SEMA3A: variants seen among roughly 807,000 people sequenced by gnomAD.
SEMA3A encodes semaphorin 3A, also known as semaphorin-3A.
A neutral mutation model predicts 97.9 loss-of-function variants in SEMA3A; 29 were observed. That is an observed-to-expected ratio of 0.30 (90% confidence interval 0.22 to 0.40). The LOEUF is 0.40. Among genes scored for constraint, SEMA3A ranks in the 10% least tolerant of loss-of-function variants. The pLI is 1.00. For missense variants in SEMA3A, 763 were observed against 951.3 expected, an observed-to-expected ratio of 0.80 and a Z score of 2.60; for synonymous variants, 321 against 323.7, an observed-to-expected ratio of 0.99 and a Z score of 0.09.
intron 1 of SEMA3A, among the ~76,000 whole-genome samples, chr7:84,151,955 T>A (rs1438151989): frequency 6.6e-6 from 1 of 151,874 alleles, no homozygotes; most frequent in African/African-American, 2.4e-5. Context: ...TCACCATCAC[T>A]GGCCATCAGA....
chr7:84,450,256 C>G, intron 1 of SEMA3A, among the ~76,000 whole-genome samples: 1 of 152,110 alleles, frequency 6.6e-6, no homozygotes, highest in East Asian at 1.9e-4. Context: ...CTCTCTCTCT[C>G]TTTTGATAAC....
At position 83,956,989 on chromosome 7, in the gene SEMA3A, C is replaced by A. The variant is rs1788299074; in HGVS notation, c.*4382G>T. 1.3e-5 allele frequency: 2 copies of A among 151,650 alleles called. No homozygotes were observed. The highest frequency in any genetic ancestry group is 6.6e-5 in the Admixed American group (1 of 15,188). 9.4% of individuals were successfully genotyped at this position (151,650 alleles called of 1,614,324 possible). ...GCAATTGTCATATCGTAACTTGGTTCTTTTCAACAGTGATTTATTGGGCTC... is the reference window on the plus strand; with the variant it reads ...GCAATTGTCATATCGTAACTTGGTTATTTTCAACAGTGATTTATTGGGCTC... On this transcript the variant is annotated 3_prime_UTR_variant, in exon 17 of 17. Transcript: ENST00000265362.
At chr7:84,171,799 T>G (rs1797391071) in intron 1 of SEMA3A, among the ~76,000 whole-genome samples, 1 of 151,980 alleles carries the variant, frequency 6.6e-6, no homozygotes, top group Non-Finnish European at 1.5e-5. Flanking sequence ...TGCTAAATAT[T>G]TTAAACTTTT....
At chr7:84,289,796 A>T (rs1278149546) in intron 3 of SEMA3A, among the ~76,000 whole-genome samples, 2 of 152,276 alleles carry the variant, frequency 1.3e-5, no homozygotes, top group East Asian at 3.9e-4. Flanking sequence ...AAATGAAAAC[A>T]TGCCCATGTA....
chr7:84,054,988 TG>T (rs1176994853), intron 5 of SEMA3A, among the ~76,000 whole-genome samples: 2 of 152,156 alleles, frequency 1.3e-5, no homozygotes, highest in Admixed American at 1.3e-4. Flanking sequence ...CTGCCCCTGC[TG>T]TGGGGTGCCT....
At chr7:84,038,537 A>C (rs954714687) in intron 6 of SEMA3A, among the ~76,000 whole-genome samples, 1 of 151,054 alleles carries the variant, frequency 6.6e-6, no homozygotes, top group Non-Finnish European at 1.5e-5. Context: ...GAAATTGATC[A>C]CAGAGAGCTT....
chr7:84,392,600 G>A (rs1044728209), intron 1 of SEMA3A, among the ~76,000 whole-genome samples: 4 of 152,052 alleles, frequency 2.6e-5, no homozygotes, highest in African/African-American at 4.8e-5. Context: ...TGGCATTGCC[G>A]GTAATTGAAT....
intron 1 of SEMA3A, among the ~76,000 whole-genome samples, chr7:84,483,966 C>T (rs969023480): frequency 1.3e-5 from 2 of 151,866 alleles, no homozygotes; most frequent in East Asian, 3.9e-4. Flanking sequence ...ACCACTTAAA[C>T]CCAGGAGGCG....
chr7:84,377,912 G>A (rs1327061929), intron 1 of SEMA3A, among the ~76,000 whole-genome samples: 2 of 152,034 alleles, frequency 1.3e-5, no homozygotes, highest in Admixed American at 6.6e-5. Context: ...TTCAGTTACT[G>A]CTGATCAAAA....
In SEMA3A at chr7:83,959,975, C is replaced by A. The variant is rs1417019921; in HGVS notation, c.*1396G>T. The A allele has an allele frequency of 6.6e-6, 1 of 151,962 alleles. No individual in the cohort carries two copies. Among genetic ancestry groups the A allele is most frequent in the Non-Finnish European group, 1.5e-5 (1 of 67,932 alleles). The allele number at this position is 151,962 out of a possible 1,614,324, so 9.4% of individuals were successfully genotyped here. A position where few individuals can be genotyped will look rare whatever the true frequency, so the allele number is the denominator to read the frequency against. ...TACATTGTTTAAATGTGGGTTGCAT[C>A]CTGGAAAATACTTTGTAGAAAAGTC... On this transcript the variant is annotated 3_prime_UTR_variant, in exon 17 of 17. Coordinates refer to ENST00000265362, the MANE Select transcript of SEMA3A (RefSeq NM_006080.3).
At chr7:84,265,991 C>T (rs567605584) in intron 3 of SEMA3A, among the ~76,000 whole-genome samples, 2 of 152,062 alleles carry the variant, frequency 1.3e-5, no homozygotes, top group Admixed American at 6.6e-5. Flanking sequence ...TGAGATTCCA[C>T]GGACTATTTG....
intron 3 of SEMA3A, among the ~76,000 whole-genome samples, chr7:84,275,035 TTAA>T (rs1800258248): frequency 6.6e-6 from 1 of 152,096 alleles, no homozygotes; most frequent in South Asian, 2.1e-4. Context: ...ACTCTGCCAC[TTAA>T]TAAGTCTGAT....
intron 1 of SEMA3A, among the ~76,000 whole-genome samples, chr7:84,404,106 A>C (rs1803991854): frequency 6.6e-6 from 1 of 152,214 alleles, no homozygotes; most frequent in African/African-American, 2.4e-5. Context: ...AAGCTAAAGG[A>C]GGAAGTTCCA....
At position 84,150,979 on chromosome 7, in the gene SEMA3A, C is replaced by G. The variant is rs577423785; in HGVS notation, c.113-16028G>C. On this transcript the variant is annotated intron_variant, in intron 1 of 16. Coordinates refer to ENST00000265362, the MANE Select transcript of SEMA3A (RefSeq NM_006080.3). Reference sequence around the variant, plus strand: ...TGGGAGGCACCCCCCAGCAGGGGCACACTGACACCTCACACTGCAGGGTAC... The same window carrying G: ...TGGGAGGCACCCCCCAGCAGGGGCAGACTGACACCTCACACTGCAGGGTAC... Among the ~76,000 whole-genome samples, 802 of 149,060 alleles carry G rather than the reference C, an allele frequency of 5.4e-3. 18 individuals carry two copies. Among genetic ancestry groups the G allele is most frequent in the African/African-American group, 0.016 (649 of 40,660 alleles).
intron 3 of SEMA3A, among the ~76,000 whole-genome samples, chr7:84,278,252 T>G (rs577045091): frequency 9.9e-5 from 15 of 152,246 alleles, no homozygotes; most frequent in Non-Finnish European, 1.6e-4. Flanking sequence ...AATAAGTTTC[T>G]CATTTCTGTC....
At position 84,356,057 on chromosome 7, in the gene SEMA3A, T is replaced by C. The variant is rs572862256; in HGVS notation, c.-169+15767A>G. Among the ~76,000 whole-genome samples the C allele has an allele frequency of 5.9e-5, 9 of 152,076 alleles. No homozygotes were observed. In the South Asian group the frequency reaches 1.9e-3, roughly 31 times the overall value. ...TAATCTTTGCTACATGTCTAACTCA[T>C]GAATTGTATTTTAGAGACTTCATTT... On this transcript the variant is annotated intron_variant, in intron 2 of 3. Transcript: ENST00000424555.
intron 1 of SEMA3A, among the ~76,000 whole-genome samples, chr7:84,147,259 T>G (rs946070503): frequency 6.6e-6 from 1 of 152,188 alleles, no homozygotes; most frequent in Non-Finnish European, 1.5e-5. Flanking sequence ...TAAAACTACT[T>G]AAGAATGATT....
chr7:84,284,230 G>A lies in SEMA3A; in HGVS notation c.-83+22977C>T, dbSNP rs79037053. Among the ~76,000 whole-genome samples, 1,080 of 152,174 alleles carry A rather than the reference G, an allele frequency of 7.1e-3. 9 individuals are homozygous for A. The highest frequency in any genetic ancestry group is 0.011 in the Non-Finnish European group (756 of 67,984). ...GCTATGTGTATCTGTCTCTGAGCAG[G>A]TCTTTGCTTCAAACTTTTGGCTGAC... On this transcript the variant is annotated intron_variant, in intron 3 of 3. Coordinates refer to the SEMA3A transcript ENST00000424555.
At chr7:84,360,666 A>G (rs557552119) in intron 2 of SEMA3A, among the ~76,000 whole-genome samples, 2 of 152,232 alleles carry the variant, frequency 1.3e-5, no homozygotes, top group South Asian at 2.1e-4. Flanking sequence ...TATACAATCT[A>G]TTATACAAGA....
Sources: allele counts gnomAD v4.1 joint callset (sites outside exome capture counted in the v4.1 genomes callset), GRCh38; gene constraint gnomAD v4.1.1; transcripts MANE v1.5; gene names NCBI Gene and HGNC (gene_info 2026-07-23, HGNC 2026-07-21).